Variants in DCHS2 observed in about 807,000 individuals in gnomAD.
The protein encoded by DCHS2 is dachsous cadherin-related 2, also known as protocadherin-23.
Under a neutral mutation model 182.4 loss-of-function variants are expected in DCHS2, and 142 were observed. The observed-to-expected ratio is 0.78, with a 90% CI of 0.68 to 0.89. The LOEUF is 0.89. Among genes scored for constraint, DCHS2 ranks in the 40% least tolerant of loss-of-function variants. The probability of loss-of-function intolerance (pLI) is 0.00; values close to 1 mark genes in which losing one functional copy is unlikely to be tolerated. For synonymous variants in DCHS2, 1,740 were observed against 1,663.3 expected, an observed-to-expected ratio of 1.05 and a Z score of -1.12; for missense variants, 4,319 against 4,198.6, an observed-to-expected ratio of 1.03 and a Z score of -0.79.
chr4:154,378,383 T>C (rs761438391), intron 1 of DCHS2, among the ~76,000 whole-genome samples: 1 of 148,590 alleles, frequency 6.7e-6, no homozygotes, highest in Non-Finnish European at 1.5e-5. Context: ...AACACCTACA[T>C]AGCACTTACA....
chr4:154,301,109 A>G (rs1735181049), intron 12 of DCHS2, among the ~76,000 whole-genome samples: 1 of 152,230 alleles, frequency 6.6e-6, no homozygotes, highest in Non-Finnish European at 1.5e-5. Flanking sequence ...CTCTTCTTGC[A>G]AATTAAAAAA....
rs778047606 is a variant in DCHS2 at position 154,489,863 on chromosome 4, T to C, written c.1493A>G (p.Asp498Gly). The change falls in exon 1 of 20, where the codon GAC becomes GGC. Residue 498 changes from aspartate (D) to glycine (G), a missense_variant. Physicochemically the swap from Asp to Gly is moderately conservative, Grantham distance 94. Transcript: ENST00000357232. ...VFFLCVEGPL[D>G]RESRDLYELL... Reference sequence around the variant, plus strand: ...CTCATACAGATCGCGGCTCTCTCTGTCCAGGGGCCCCTCCACGCAAAGGAA... The same window carrying C: ...CTCATACAGATCGCGGCTCTCTCTGCCCAGGGGCCCCTCCACGCAAAGGAA... The C allele has an allele frequency of 3.2e-6, 5 of 1,546,040 alleles. No homozygotes were observed. In the South Asian group the frequency reaches 6.0e-5, roughly 18 times the overall value.
intron 14 of DCHS2, 75 bp downstream of exon 14, chr4:154,269,825 C>A: frequency 6.4e-7 from 1 of 1,550,414 alleles, no homozygotes; most frequent in South Asian, 1.3e-5. Context: ...CTAACAATTT[C>A]TACTTTGCAA....
chr4:154,357,347 G>T, intron 3 of DCHS2: 1 of 1,501,486 alleles, frequency 6.7e-7, no homozygotes, highest in Non-Finnish European at 9.3e-7. Context: ...AAGGAGCCAG[G>T]CTGGTGGGAG....
intron 12 of DCHS2, among the ~76,000 whole-genome samples, chr4:154,301,783 G>A (rs1403840698): frequency 2.0e-5 from 3 of 152,142 alleles, no homozygotes; most frequent in Non-Finnish European, 2.9e-5. Context: ...GATTACAGGC[G>A]TGAGCCACTG....
intron 1 of DCHS2, among the ~76,000 whole-genome samples, chr4:154,467,707 C>CA (rs770183717): frequency 2.0e-4 from 31 of 152,044 alleles, no homozygotes; most frequent in Non-Finnish European, 3.7e-4. Flanking sequence ...AATTTGAATG[C>CA]ATGACGAAAA....
intron 1 of DCHS2, among the ~76,000 whole-genome samples, chr4:154,379,179 A>C (rs958160147): frequency 4.6e-5 from 7 of 152,240 alleles, no homozygotes; most frequent in African/African-American, 1.7e-4. Context: ...TGGAAAAAAA[A>C]GGAGCAAAGG....
intron 1 of DCHS2, among the ~76,000 whole-genome samples, chr4:154,482,206 A>G (rs1402641733): frequency 6.6e-6 from 1 of 152,226 alleles, no homozygotes; most frequent in African/African-American, 2.4e-5. Context: ...AATAGAATAT[A>G]CTATTTTGAT....
In DCHS2 at chr4:154,366,460, G is replaced by C; in HGVS notation, c.2245-19C>G. On this transcript the variant is annotated intron_variant, in intron 2 of 19. Coordinates refer to ENST00000357232, the MANE Select transcript of DCHS2 (RefSeq NM_001358235.2). Reference sequence around the variant, plus strand: ...GCCCACCCTGGTGGATGAATGAGTGGTGATTACAAATGGGTTTTTGCTGAA... The same window carrying C: ...GCCCACCCTGGTGGATGAATGAGTGCTGATTACAAATGGGTTTTTGCTGAA... 1.3e-6 allele frequency: 2 copies of C among 1,569,710 alleles called. No individual in the cohort carries two copies. The highest frequency in any genetic ancestry group is 1.8e-6 in the Non-Finnish European group (2 of 1,142,844).
intron 3 of DCHS2, among the ~76,000 whole-genome samples, chr4:154,345,098 C>T (rs1729297860): frequency 6.6e-6 from 1 of 152,180 alleles, no homozygotes; most frequent in African/African-American, 2.4e-5. Context: ...ATCTGAAAGT[C>T]GCCTGTAACA....
At chr4:154,285,701 T>A (rs1734362186) in intron 13 of DCHS2, among the ~76,000 whole-genome samples, 1 of 151,974 alleles carries the variant, frequency 6.6e-6, no homozygotes, top group South Asian at 2.1e-4. Flanking sequence ...GTGGCTTGGG[T>A]GCCAGCTCAG....
Position 154,491,114 on chromosome 4 carries a change from G to T in DCHS2, c.242C>A (p.Thr81Lys), listed in dbSNP as rs1053023464. ...CCCGGCGCGGATGTCACCTACCAGC[G>T]TGTCCGGGGGAAGCCCCTCATCTAC... ...LSVDEGLPPD[T>K]LVGDIRAGLP... Residue 81 changes from threonine to lysine, a missense_variant, in exon 1 of 20, where the codon ACG becomes AAG. Transcript: ENST00000357232. 7.1e-6 allele frequency: 11 copies of T among 1,551,382 alleles called. No homozygotes were observed. In the East Asian group the frequency reaches 1.5e-4, roughly 21 times the overall value.
At chr4:154,448,578 T>C (rs1734400238) in intron 1 of DCHS2, among the ~76,000 whole-genome samples, 1 of 152,180 alleles carries the variant, frequency 6.6e-6, no homozygotes, top group African/African-American at 2.4e-5. Context: ...CTAACATATC[T>C]CCCTGGCTTC....
intron 1 of DCHS2, among the ~76,000 whole-genome samples, chr4:154,417,230 A>T (rs1732894868): frequency 6.7e-6 from 1 of 150,254 alleles, no homozygotes; most frequent in African/African-American, 2.5e-5. Context: ...AGAGAGAGAG[A>T]GAGAGAGAGA....
chr4:154,252,030 T>C (rs1448508794), intron 16 of DCHS2, among the ~76,000 whole-genome samples: 1 of 151,700 alleles, frequency 6.6e-6, no homozygotes, highest in African/African-American at 2.4e-5. Context: ...TCATATTTAG[T>C]AGAATCATGA....
intron 19 of DCHS2, among the ~76,000 whole-genome samples, chr4:154,238,546 G>A (rs1170460890): frequency 6.6e-6 from 1 of 152,082 alleles, no homozygotes; most frequent in African/African-American, 2.4e-5. Flanking sequence ...TCTATATACT[G>A]TTTAATTGAA....
intron 3 of DCHS2, among the ~76,000 whole-genome samples, chr4:154,348,754 T>C (rs1180288860): frequency 2.0e-5 from 3 of 151,918 alleles, no homozygotes; most frequent in Non-Finnish European, 4.4e-5. Flanking sequence ...AAACTAATCC[T>C]GTTGACACCT....
At chr4:154,281,411 G>A (rs1340484790) in intron 13 of DCHS2, among the ~76,000 whole-genome samples, 1 of 151,902 alleles carries the variant, frequency 6.6e-6, no homozygotes, top group African/African-American at 2.4e-5. Context: ...AAGAAAATTA[G>A]AAAAACAATA....
At chr4:154,249,694 A>G (rs1732258910) in intron 16 of DCHS2, among the ~76,000 whole-genome samples, 1 of 152,196 alleles carries the variant, frequency 6.6e-6, no homozygotes, top group South Asian at 2.1e-4. Context: ...GGATAAGGAA[A>G]ATGTGATCTA....
Sources: gnomAD v4.1 joint callset for allele counts (sites outside exome capture counted in the v4.1 genomes callset) on GRCh38, gnomAD v4.1.1 for gene constraint, MANE v1.5 for transcripts, NCBI Gene and HGNC (gene_info 2026-07-23, HGNC 2026-07-21) for gene names.